The following SDC2 variants were observed in gnomAD, a reference collection of about 807,000 sequenced individuals.
SDC2 encodes syndecan 2, also known as syndecan-2.
In SDC2, 13 loss-of-function variants were observed where a neutral mutation model predicts 22.2. The observed-to-expected ratio is 0.59, with a 90% CI of 0.38 to 0.93. The LOEUF (loss-of-function observed/expected upper bound fraction) is 0.93, where lower values mean the gene tolerates loss of function less well. SDC2 is among the 40% of genes least tolerant of loss of function. The probability of loss-of-function intolerance (pLI) is 0.00; values close to 1 mark genes in which losing one functional copy is unlikely to be tolerated. For synonymous variants in SDC2, 94 were observed against 92.8 expected (o/e 1.01, Z -0.07); for missense variants, 235 against 246.8 (o/e 0.95, Z 0.32).
intron 3 of SDC2, 138 bp from the exon 4 acceptor site, chr8:96,608,197 A>G: frequency 1.3e-6 from 1 of 742,696 alleles, no homozygotes; most frequent in Non-Finnish European, 2.2e-6. Flanking sequence ...TATAAACATC[A>G]CACAAGTGAT....
At chr8:96,538,118 A>G (rs1388208431) in intron 1 of SDC2, among the ~76,000 whole-genome samples, 1 of 151,912 alleles carries the variant, frequency 6.6e-6, no homozygotes, top group Non-Finnish European at 1.5e-5. Context: ...GCACACCACC[A>G]CGCCCGGCTA....
chr8:96,609,823 G>T lies in SDC2; in HGVS notation c.*275G>T. The T allele has an allele frequency of 3.9e-6, 1 of 256,230 alleles. No homozygotes were observed. The highest frequency in any genetic ancestry group is 7.3e-6 in the Non-Finnish European group (1 of 136,448). The allele number at this position is 256,230 out of a possible 1,614,324, so 15.9% of individuals were successfully genotyped here. A position where few individuals can be genotyped will look rare whatever the true frequency, so the allele number is the denominator to read the frequency against. On this transcript the variant is annotated 3_prime_UTR_variant, in exon 5 of 5. Coordinates refer to ENST00000302190, the MANE Select transcript of SDC2 (RefSeq NM_002998.4). The stretch of plus-strand genomic sequence containing the variant: ...ATGGAATTGGTTTAAACTTTTATGC[G>T]CAAATACAAAATGATTGTCTTTTTC...
At chr8:96,564,200 C>T (rs988803098) in intron 1 of SDC2, among the ~76,000 whole-genome samples, 3 of 152,162 alleles carry the variant, frequency 2.0e-5, no homozygotes, top group Non-Finnish European at 4.4e-5. Flanking sequence ...AGGAATCATT[C>T]CTTTGTCTCA....
At chr8:96,597,258 C>A (rs1339955095) in intron 2 of SDC2, among the ~76,000 whole-genome samples, 1 of 152,162 alleles carries the variant, frequency 6.6e-6, no homozygotes, top group Non-Finnish European at 1.5e-5. Flanking sequence ...GCAGTCTGTC[C>A]ATTTACCCTC....
At chr8:96,532,412 GTTTTTTTTTTTT>G (rs35452131) in intron 1 of SDC2, among the ~76,000 whole-genome samples, 7 of 47,944 alleles carry the variant, frequency 1.5e-4, no homozygotes, top group African/African-American at 6.3e-4. Flanking sequence ...TTATTGAGGC[GTTTTTTTTTTTT>G]TTTTTTTTTT....
At chr8:96,585,188 T>C (rs540838133) in intron 1 of SDC2, among the ~76,000 whole-genome samples, 5 of 152,246 alleles carry the variant, frequency 3.3e-5, no homozygotes, top group Non-Finnish European at 7.3e-5. Context: ...GATTTTGTAA[T>C]GCAAGTGTTT....
Position 96,494,254 on chromosome 8 carries a change from A to G in SDC2, c.-18A>G, listed in dbSNP as rs1364045485. The stretch of plus-strand genomic sequence containing the variant: ...CTGGTTGCAAGCAGCGGCTGGGAGC[A>G]GCCGGTCCCTGGGGAATATGCGGCG... On this transcript the variant is annotated 5_prime_UTR_variant, in exon 1 of 5. Transcript: ENST00000302190. The G allele has an allele frequency of 6.5e-7, 1 of 1,542,894 alleles. No individual in the cohort carries two copies. The highest frequency in any genetic ancestry group is 1.2e-5 in the South Asian group (1 of 83,952).
At chr8:96,579,864 A>T (rs1285866705) in intron 1 of SDC2, among the ~76,000 whole-genome samples, 1 of 152,168 alleles carries the variant, frequency 6.6e-6, no homozygotes, top group Non-Finnish European at 1.5e-5. Flanking sequence ...TTTAATTTAG[A>T]TACTGTTTCA....
chr8:96,585,202 A>T (rs2130615541), intron 1 of SDC2, among the ~76,000 whole-genome samples: 1 of 152,342 alleles, frequency 6.6e-6, no homozygotes, highest in East Asian at 1.9e-4. Flanking sequence ...AGTGTTTTGA[A>T]ATTCAAAAGC....
chr8:96,574,437 T>C (rs908633696), intron 1 of SDC2, among the ~76,000 whole-genome samples: 8 of 152,228 alleles, frequency 5.3e-5, no homozygotes, highest in Non-Finnish European at 8.8e-5. Context: ...CATCAGAAAC[T>C]TATCTAGAGC....
intron 1 of SDC2, among the ~76,000 whole-genome samples, chr8:96,518,361 G>GTTTT (rs35449864): frequency 1.6e-5 from 2 of 125,216 alleles, no homozygotes; most frequent in Admixed American, 7.9e-5. Flanking sequence ...ACCTTGAGAG[G>GTTTT]TTTTTTTTTT....
intron 1 of SDC2, among the ~76,000 whole-genome samples, chr8:96,504,685 T>C (rs1054051727): frequency 6.6e-6 from 1 of 152,250 alleles, no homozygotes; most frequent in East Asian, 1.9e-4. Flanking sequence ...ATTATATGTT[T>C]ATGTATAAAT....
In SDC2 at chr8:96,493,878, C is replaced by T. The variant is rs531143522; in HGVS notation, c.-394C>T. On this transcript the variant is annotated 5_prime_UTR_variant, in exon 1 of 5. Coordinates refer to ENST00000302190, the MANE Select transcript of SDC2 (RefSeq NM_002998.4). Reference sequence around the variant, plus strand: ...CGCCGCTCTGCCCCTAAACTTCTGCCGTAGCTCCCTTTCAAGCCAGCGAAT... The same window carrying T: ...CGCCGCTCTGCCCCTAAACTTCTGCTGTAGCTCCCTTTCAAGCCAGCGAAT... 7 of 191,626 alleles carry T rather than the reference C, an allele frequency of 3.7e-5. No homozygotes were observed. Among genetic ancestry groups the T allele is most frequent in the Non-Finnish European group, 7.5e-5 (7 of 93,606 alleles). The allele number at this position is 191,626 out of a possible 1,614,324, so 11.9% of individuals were successfully genotyped here.
At chr8:96,508,994 G>C (rs1440550977) in intron 1 of SDC2, among the ~76,000 whole-genome samples, 1 of 142,066 alleles carries the variant, frequency 7.0e-6, no homozygotes, top group African/African-American at 2.5e-5. Context: ...AATCTTCCAG[G>C]TCACTGATAT....
chr8:96,514,010 T>C (rs1196419585), intron 1 of SDC2, among the ~76,000 whole-genome samples: 1 of 152,190 alleles, frequency 6.6e-6, no homozygotes, highest in East Asian at 1.9e-4. Context: ...ACTTAAACTA[T>C]ATTTTATTTC....
intron 1 of SDC2, among the ~76,000 whole-genome samples, chr8:96,525,025 A>G (rs1813556482): frequency 6.6e-6 from 1 of 152,190 alleles, no homozygotes; most frequent in Middle Eastern, 3.2e-3. Flanking sequence ...TACTGGAATA[A>G]TTGGGTCACA....
chr8:96,544,312 C>T (rs895279115), intron 1 of SDC2, among the ~76,000 whole-genome samples: 2 of 152,120 alleles, frequency 1.3e-5, no homozygotes, highest in African/African-American at 4.8e-5. Flanking sequence ...TTCAAACATC[C>T]TTTTGACAAC....
intron 1 of SDC2, among the ~76,000 whole-genome samples, chr8:96,591,762 A>T (rs1011507669): frequency 1.3e-5 from 2 of 152,044 alleles, no homozygotes; most frequent in South Asian, 4.1e-4. Context: ...AAAGTTTAAG[A>T]CAAGCAGGAC....
chr8:96,499,849 C>T (rs1813134741), intron 1 of SDC2, among the ~76,000 whole-genome samples: 1 of 150,490 alleles, frequency 6.6e-6, no homozygotes, highest in South Asian at 2.1e-4. Context: ...GGTGAATTTT[C>T]TCTCCCATCA....
Sources: allele counts gnomAD v4.1 joint callset (sites outside exome capture counted in the v4.1 genomes callset), GRCh38; gene constraint gnomAD v4.1.1; transcripts MANE v1.5; gene names NCBI Gene and HGNC (gene_info 2026-07-23, HGNC 2026-07-21).